The following MAP4 variants were observed in gnomAD, a reference collection of about 807,000 sequenced individuals.
MAP4 encodes the protein microtubule associated protein 4.
In MAP4, 76 loss-of-function variants were observed where a neutral mutation model predicts 170.2. That is an observed-to-expected ratio of 0.45 (90% CI 0.37 to 0.54). MAP4 has a LOEUF of 0.54. MAP4 is among the 20% of genes least tolerant of loss of function. The pLI, the probability that MAP4 is intolerant of heterozygous loss-of-function variation, is 0.00. For synonymous variants in MAP4, 909 were observed against 994.5 expected (o/e 0.91, Z 1.62); for missense variants, 2,506 against 2,748.0 (o/e 0.91, Z 1.97).
chr3:47,863,898 C>G (rs1255001503), intron 17 of MAP4, among the ~76,000 whole-genome samples: 5 of 131,158 alleles, frequency 3.8e-5, no homozygotes, highest in African/African-American at 1.6e-4. Flanking sequence ...TGCGTTATTT[C>G]TGTGTGTGTG....
chr3:47,935,827 T>C (rs1464029723), intron 3 of MAP4, among the ~76,000 whole-genome samples: 4 of 150,194 alleles, frequency 2.7e-5, no homozygotes, highest in Non-Finnish European at 5.9e-5. Context: ...TAGTCCCAGC[T>C]ACTCAGGAGG....
intron 3 of MAP4, among the ~76,000 whole-genome samples, chr3:47,968,336 A>G (rs2100076378): frequency 6.6e-6 from 1 of 152,208 alleles, no homozygotes; most frequent in Non-Finnish European, 1.5e-5. Flanking sequence ...TTCAGGACAG[A>G]CCATATGTTA....
intron 2 of MAP4, among the ~76,000 whole-genome samples, chr3:47,985,709 C>A (rs112577725): frequency 1.7e-4 from 26 of 152,064 alleles, no homozygotes; most frequent in Middle Eastern, 6.8e-3. Flanking sequence ...ATATTAAGGT[C>A]ATGAAAGACA....
chr3:48,078,573 G>C (rs372259278), intron 1 of MAP4, among the ~76,000 whole-genome samples: 12 of 151,934 alleles, frequency 7.9e-5, no homozygotes, highest in African/African-American at 2.9e-4. Context: ...CAAAGAGTAG[G>C]GTAGAAAGGG....
chr3:48,029,385 GA>G (rs1401828602), intron 1 of MAP4, among the ~76,000 whole-genome samples: 24 of 152,200 alleles, frequency 1.6e-4, no homozygotes, highest in Non-Finnish European at 3.1e-4. Flanking sequence ...GCAGTGAGCC[GA>G]GATGGCGCCA....
At chr3:48,053,765 CTGAT>C (rs2100129166) in intron 1 of MAP4, among the ~76,000 whole-genome samples, 1 of 152,200 alleles carries the variant, frequency 6.6e-6, no homozygotes, top group South Asian at 2.1e-4. Context: ...ACATTACAAC[CTGAT>C]TGATACCAAA....
At chr3:48,052,563 G>A (rs935970822) in intron 1 of MAP4, among the ~76,000 whole-genome samples, 3 of 152,162 alleles carry the variant, frequency 2.0e-5, no homozygotes, top group Non-Finnish European at 4.4e-5. Flanking sequence ...GGTAATGGAT[G>A]CACAACTGTG....
intron 1 of MAP4, among the ~76,000 whole-genome samples, chr3:48,003,221 G>A (rs1690305849): frequency 6.6e-6 from 1 of 151,970 alleles, no homozygotes; most frequent in Non-Finnish European, 1.5e-5. Flanking sequence ...TTGGGAGGCT[G>A]ACGTAGGCAG....
intron 10 of MAP4, among the ~76,000 whole-genome samples, chr3:47,879,756 G>C (rs2096333816): frequency 6.6e-6 from 1 of 152,036 alleles, no homozygotes. Flanking sequence ...AATCAATAGG[G>C]CTTCTTCATG....
intron 1 of MAP4, among the ~76,000 whole-genome samples, chr3:48,033,687 G>A (rs554519054): frequency 1.3e-5 from 2 of 152,102 alleles, no homozygotes; most frequent in South Asian, 2.1e-4. Flanking sequence ...TGCAACCTCC[G>A]CCTCCGAGGT....
chr3:48,017,747 T>C (rs1383497252), upstream of MAP4, among the ~76,000 whole-genome samples: 1 of 152,196 alleles, frequency 6.6e-6, no homozygotes, highest in Non-Finnish European at 1.5e-5. Flanking sequence ...CTTACCACCT[T>C]TTCTGTGACT....
intron 1 of MAP4, among the ~76,000 whole-genome samples, chr3:48,025,002 G>C (rs186624604): frequency 6.6e-6 from 1 of 151,406 alleles, no homozygotes; most frequent in Admixed American, 6.6e-5. Flanking sequence ...GTCCAGGCTC[G>C]AGTGCAGTGG....
At chr3:47,874,030 A>G (rs1462537544) in intron 12 of MAP4, among the ~76,000 whole-genome samples, 2 of 152,216 alleles carry the variant, frequency 1.3e-5, no homozygotes, top group African/African-American at 4.8e-5. Context: ...TCTTTCTACC[A>G]AAATAAGCTG....
intron 3 of MAP4, among the ~76,000 whole-genome samples, chr3:47,965,742 AT>A (rs572502741): frequency 1.3e-5 from 2 of 151,030 alleles, no homozygotes; most frequent in South Asian, 2.1e-4. Flanking sequence ...CATATTTTTA[AT>A]TTTTTTTTGT....
intron 10 of MAP4, among the ~76,000 whole-genome samples, chr3:47,885,164 A>G (rs949787713): frequency 6.6e-6 from 1 of 151,634 alleles, no homozygotes; most frequent in African/African-American, 2.4e-5. Flanking sequence ...TTTTCTTTTC[A>G]GTCTATGCCT....
intron 1 of MAP4, among the ~76,000 whole-genome samples, chr3:48,048,338 T>C (rs539354099): frequency 6.6e-6 from 1 of 152,050 alleles, no homozygotes; most frequent in East Asian, 1.9e-4. Flanking sequence ...GTCCTTGCTT[T>C]GGATGCTGTG....
At chr3:47,962,839 T>C (rs1205200355) in intron 3 of MAP4, among the ~76,000 whole-genome samples, 1 of 152,228 alleles carries the variant, frequency 6.6e-6, no homozygotes, top group South Asian at 2.1e-4. Flanking sequence ...CTGTTCGTTT[T>C]ACACAGAAAA....
chr3:48,030,655 C>G (rs2100115565), intron 1 of MAP4, among the ~76,000 whole-genome samples: 1 of 151,366 alleles, frequency 6.6e-6, no homozygotes, highest in Non-Finnish European at 1.5e-5. Flanking sequence ...AAATATTAAC[C>G]AGGCATGATG....
intron 2 of MAP4, among the ~76,000 whole-genome samples, 177 bp downstream of exon 2, chr3:47,998,461 T>A (rs1462033921): frequency 6.6e-6 from 1 of 152,204 alleles, no homozygotes; most frequent in African/African-American, 2.4e-5. Context: ...CACAGACTCA[T>A]GAACGCTCAC....
Sources: gnomAD v4.1 joint callset for allele counts (sites outside exome capture counted in the v4.1 genomes callset) on GRCh38, gnomAD v4.1.1 for gene constraint, MANE v1.5 for transcripts, NCBI Gene and HGNC (gene_info 2026-07-23, HGNC 2026-07-21) for gene names.